The following L3MBTL4 variants were observed in gnomAD, a reference collection of about 807,000 sequenced individuals.
L3MBTL4 encodes lethal(3)malignant brain tumor-like protein 4.
A neutral mutation model predicts 84.5 loss-of-function variants in L3MBTL4; 70 were observed. That is an observed-to-expected ratio of 0.83 (90% confidence interval 0.68 to 1.01). The LOEUF (loss-of-function observed/expected upper bound fraction) is 1.01. L3MBTL4 is among the 50% of genes least tolerant of loss of function. L3MBTL4 has a pLI of 0.00. For synonymous variants in L3MBTL4, 274 were observed against 259.8 expected, an observed-to-expected ratio of 1.05 and a Z score of -0.52; for missense variants, 715 against 754.8, an observed-to-expected ratio of 0.95 and a Z score of 0.62.
At chr18:6,077,381 A>G (rs2057891829) in intron 16 of L3MBTL4, among the ~76,000 whole-genome samples, 1 of 152,160 alleles carries the variant, frequency 6.6e-6, no homozygotes, top group Admixed American at 6.5e-5. Context: ...TCTTATGTTT[A>G]TATATTGTTG....
intron 1 of L3MBTL4, among the ~76,000 whole-genome samples, chr18:6,366,216 A>T (rs1311726107): frequency 1.3e-5 from 2 of 152,268 alleles, no homozygotes; most frequent in Non-Finnish European, 2.9e-5. Context: ...AAGTAATTTA[A>T]TATGTATTCC....
At chr18:6,169,802 C>T (rs2043875455) in intron 13 of L3MBTL4, among the ~76,000 whole-genome samples, 1 of 151,786 alleles carries the variant, frequency 6.6e-6, no homozygotes, top group African/African-American at 2.4e-5. Flanking sequence ...ACGTTGTGCA[C>T]ATCTACCCTA....
intron 12 of L3MBTL4, among the ~76,000 whole-genome samples, chr18:6,176,392 T>C (rs2044226366): frequency 6.6e-6 from 1 of 152,164 alleles, no homozygotes; most frequent in Admixed American, 6.5e-5. Flanking sequence ...TGCATATAAA[T>C]TGATCCATAT....
chr18:6,235,341 GAAAT>G (rs1244282716), intron 10 of L3MBTL4, among the ~76,000 whole-genome samples: 1 of 152,000 alleles, frequency 6.6e-6, no homozygotes, highest in Non-Finnish European at 1.5e-5. Flanking sequence ...TTTTAAAAAA[GAAAT>G]AAAGACGTAT....
intron 16 of L3MBTL4, among the ~76,000 whole-genome samples, chr18:6,008,018 G>A (rs1262891480): frequency 1.3e-5 from 2 of 152,188 alleles, no homozygotes; most frequent in Non-Finnish European, 2.9e-5. Context: ...AATTAAAAAG[G>A]CAAAACAAAA....
chr18:6,305,709 T>G (rs1347416657), intron 3 of L3MBTL4, among the ~76,000 whole-genome samples: 1 of 152,216 alleles, frequency 6.6e-6, no homozygotes, highest in Non-Finnish European at 1.5e-5. Context: ...CTCACCAGGT[T>G]AAAATCCATC....
At chr18:6,155,142 G>A (rs2043050506) in intron 13 of L3MBTL4, among the ~76,000 whole-genome samples, 1 of 152,184 alleles carries the variant, frequency 6.6e-6, no homozygotes, top group Admixed American at 6.5e-5. Flanking sequence ...ATGCCTTGGA[G>A]AAGAGGTTTG....
intron 1 of L3MBTL4, among the ~76,000 whole-genome samples, chr18:6,379,694 C>T (rs558578589): frequency 2.9e-4 from 44 of 152,124 alleles, no homozygotes; most frequent in Non-Finnish European, 4.4e-4. Context: ...ATAAGCTTTT[C>T]GATGTGCTGC....
intron 17 of L3MBTL4, among the ~76,000 whole-genome samples, chr18:5,968,593 A>T (rs1248687819): frequency 1.3e-5 from 2 of 151,974 alleles, no homozygotes; most frequent in Non-Finnish European, 2.9e-5. Flanking sequence ...GCTACTCAGG[A>T]GGTTGAAGTG....
chr18:6,032,344 T>C lies in L3MBTL4; in HGVS notation c.1444+48537A>G, dbSNP rs184489703. ...TGCAAAAAAGCTTATGATGTGCTGT[T>C]TTATATCACTGAATGGAATCTGCGT... On this transcript the variant is annotated intron_variant, in intron 16 of 18. Coordinates refer to ENST00000317931, the MANE Select transcript of L3MBTL4 (RefSeq NM_001330559.2). 5.4e-3 allele frequency: 5,326 copies of C among 981,484 alleles called. 21 individuals are homozygous for C. Among genetic ancestry groups the C allele is most frequent in the Non-Finnish European group, 6.1e-3 (5,068 of 826,906 alleles). The allele number at this position is 981,484 out of a possible 1,614,324, so 60.8% of individuals were successfully genotyped here.
chr18:6,332,730 G>C (rs967965422), intron 1 of L3MBTL4, among the ~76,000 whole-genome samples: 1 of 152,220 alleles, frequency 6.6e-6, no homozygotes, highest in African/African-American at 2.4e-5. Context: ...CTAGCCTCTA[G>C]AGTCAGCCAT....
chr18:6,132,834 T>A (rs2059913165), intron 14 of L3MBTL4, among the ~76,000 whole-genome samples: 1 of 152,122 alleles, frequency 6.6e-6, no homozygotes, highest in South Asian at 2.1e-4. Context: ...TCTCAGAATC[T>A]AGTAGGGAGA....
chr18:6,371,831 G>T (rs2054171607), intron 1 of L3MBTL4, among the ~76,000 whole-genome samples: 1 of 152,078 alleles, frequency 6.6e-6, no homozygotes, highest in Non-Finnish European at 1.5e-5. Context: ...TTAATTCCAG[G>T]CTCAGTTTCT....
At chr18:6,112,979 G>A (rs923604377) in intron 14 of L3MBTL4, among the ~76,000 whole-genome samples, 4 of 152,132 alleles carry the variant, frequency 2.6e-5, no homozygotes, top group Non-Finnish European at 4.4e-5. Flanking sequence ...GTCCGGGAAT[G>A]CACATGGTAA....
intron 17 of L3MBTL4, among the ~76,000 whole-genome samples, chr18:5,964,779 A>G (rs2052257089): frequency 6.6e-6 from 1 of 152,082 alleles, no homozygotes; most frequent in Non-Finnish European, 1.5e-5. Context: ...TGTGCACACC[A>G]CATATCACGC....
intron 18 of L3MBTL4, among the ~76,000 whole-genome samples, chr18:5,957,334 A>G (rs1177832474): frequency 6.6e-6 from 1 of 152,160 alleles, no homozygotes; most frequent in Non-Finnish European, 1.5e-5. Context: ...ATGTATATCA[A>G]ATCATCACAT....
intron 16 of L3MBTL4, among the ~76,000 whole-genome samples, chr18:6,040,655 A>G (rs2056360214): frequency 6.6e-6 from 1 of 152,206 alleles, no homozygotes; most frequent in Admixed American, 6.5e-5. Flanking sequence ...TTTTGAGACA[A>G]GGAGTCCTTT....
intron 1 of L3MBTL4, among the ~76,000 whole-genome samples, chr18:6,405,405 C>G (rs1327173480): frequency 6.6e-6 from 1 of 152,264 alleles, no homozygotes; most frequent in Non-Finnish European, 1.5e-5. Context: ...CGCTCTGCGA[C>G]CTGCACAAAC....
At chr18:6,331,146 A>G (rs1214365997) in intron 1 of L3MBTL4, among the ~76,000 whole-genome samples, 2 of 152,168 alleles carry the variant, frequency 1.3e-5, no homozygotes, top group Non-Finnish European at 2.9e-5. Context: ...TTTGCTTTTT[A>G]TTCCTATCTG....
Sources: gnomAD v4.1 joint callset for allele counts (sites outside exome capture counted in the v4.1 genomes callset) on GRCh38, gnomAD v4.1.1 for gene constraint, MANE v1.5 for transcripts, NCBI Gene and HGNC (gene_info 2026-07-23, HGNC 2026-07-21) for gene names.